The following TAF1 variants were observed in gnomAD, a reference collection of about 807,000 sequenced individuals.
The protein encoded by TAF1 is transcription initiation factor TFIID subunit 1.
Under a neutral mutation model 138.5 loss-of-function variants are expected in TAF1, and 2 were observed. That is an observed-to-expected ratio of 0.01 (90% CI 0.01 to 0.05). The LOEUF (loss-of-function observed/expected upper bound fraction) is 0.05. TAF1 is among the 10% of genes least tolerant of loss of function. The pLI is 1.00. For synonymous variants in TAF1, 437 were observed against 503.2 expected (o/e 0.87, Z 1.76); for missense variants, 709 against 1,478.0 (o/e 0.48, Z 8.53).
At chrX:71,498,471 G>A (rs1038533146) in intron 13 of TAF1, among the ~76,000 whole-genome samples, 2 of 111,521 alleles carry the variant, frequency 1.8e-5, no homozygotes, top group Non-Finnish European at 3.8e-5. Context: ...GGTGTTGCAG[G>A]GACTGCTGCA....
intron 35 of TAF1, chrX:71,459,303 G>A: frequency 9.0e-7 from 1 of 1,114,795 alleles, no homozygotes; most frequent in South Asian, 1.9e-5. Context: ...TATATGATAG[G>A]AGCCCCATCA....
chrX:71,419,213 A>G (rs2036197657), intron 28 of TAF1, among the ~76,000 whole-genome samples: 1 of 111,365 alleles, frequency 9.0e-6, no homozygotes, highest in African/African-American at 3.3e-5. Context: ...CTATTTAGGC[A>G]TTCTTTTTCT....
chrX:71,481,731 G>A (rs1391202838), intron 13 of TAF1, among the ~76,000 whole-genome samples: 4 of 110,814 alleles, frequency 3.6e-5, no homozygotes. Flanking sequence ...CTAATTTTTT[G>A]TATTTTTAGT....
intron 13 of TAF1, among the ~76,000 whole-genome samples, chrX:71,475,571 C>T (rs772540531): frequency 2.2e-5 from 2 of 90,192 alleles, no homozygotes; most frequent in Non-Finnish European, 4.2e-5. Flanking sequence ...GGTGACAGAG[C>T]GAGACTCCGT....
At chrX:71,466,351 A>C (rs1226828137), downstream of TAF1, 1 of 109,993 alleles carries the variant, frequency 9.1e-6, no homozygotes, top group Non-Finnish European at 1.9e-5. Flanking sequence ...GGTTCAAGCG[A>C]TTTTCCTGCT....
intron 32 of TAF1, among the ~76,000 whole-genome samples, chrX:71,436,917 G>A (rs1253361402): frequency 4.5e-5 from 5 of 111,741 alleles, no homozygotes; most frequent in Non-Finnish European, 5.6e-5. Flanking sequence ...TTAATTTGGA[G>A]AAACTGTATA....
chrX:71,442,112 G>A (rs377473564), intron 32 of TAF1, among the ~76,000 whole-genome samples: 4 of 111,799 alleles, frequency 3.6e-5, no homozygotes, highest in Admixed American at 1.9e-4. Context: ...ATTGTGAATA[G>A]TGCCGCAATA....
chrX:71,434,088 G>A (rs1181559404), intron 32 of TAF1, among the ~76,000 whole-genome samples: 1 of 111,876 alleles, frequency 8.9e-6, no homozygotes, highest in African/African-American at 3.2e-5. Flanking sequence ...CAAAGTCCAG[G>A]CTGGGTGCAG....
At chrX:71,393,264 GTA>G (rs61620248) in intron 20 of TAF1, 35 bp from the exon 21 acceptor site, 36 of 1,085,975 alleles carry the variant, frequency 3.3e-5, no homozygotes, top group African/African-American at 7.6e-5. Flanking sequence ...GTGTGTGTGT[GTA>G]TATTTATATT....
At chrX:71,502,740 C>T (rs2039533395) in intron 13 of TAF1, among the ~76,000 whole-genome samples, 1 of 110,857 alleles carries the variant, frequency 9.0e-6, no homozygotes. Flanking sequence ...GAGTTCAAGA[C>T]CAGCCTGGCC....
chrX:71,526,619 GATT>G (rs2147647960), intron 13 of TAF1, among the ~76,000 whole-genome samples: 1 of 111,938 alleles, frequency 8.9e-6, no homozygotes, highest in East Asian at 2.8e-4. Flanking sequence ...TATTGTCTAA[GATT>G]ATATCAATGC....
intron 14 of TAF1, among the ~76,000 whole-genome samples, chrX:71,385,474 CT>C (rs1208018951): frequency 9.1e-6 from 1 of 109,859 alleles, no homozygotes; most frequent in South Asian, 3.9e-4. Context: ...TAGTGAAATG[CT>C]TTTTTTTTCC....
chrX:71,394,264 C>T lies in TAF1; in HGVS notation c.3406+19C>T. 8.5e-7 allele frequency: 1 copy of T among 1,175,630 alleles called. No homozygotes were observed. The highest frequency in any genetic ancestry group is 1.1e-6 in the Non-Finnish European group (1 of 878,757). Reference sequence around the variant, plus strand: ...CTACTGGGTGAGGATCTTGGCTTCACAGACAGATAAAAAAGAGAAGGGTTA... The same window carrying T: ...CTACTGGGTGAGGATCTTGGCTTCATAGACAGATAAAAAAGAGAAGGGTTA... On this transcript the variant is annotated intron_variant, in intron 22 of 37. Transcript: ENST00000423759.
At chrX:71,388,102 A>G (rs962628812) in intron 15 of TAF1, 135 bp from the exon 16 acceptor site, 6 of 949,525 alleles carry the variant, frequency 6.3e-6, no homozygotes. Context: ...TCCGTCTCAG[A>G]AAAAGTAGGC....
intron 13 of TAF1, among the ~76,000 whole-genome samples, chrX:71,483,142 T>C (rs758640145): frequency 4.1e-5 from 4 of 98,758 alleles, no homozygotes; most frequent in African/African-American, 1.5e-4. Context: ...GCTTTTTTTT[T>C]TTTCTTTTCT....
chrX:71,369,605 C>CTTTTTT (rs762612709), intron 3 of TAF1, among the ~76,000 whole-genome samples: 1 of 92,203 alleles, frequency 1.1e-5, no homozygotes, highest in Non-Finnish European at 2.2e-5. Flanking sequence ...CAGTGTGTTT[C>CTTTTTT]TTTTTTTTTT....
chrX:71,495,557 G>A (rs1017844271), intron 13 of TAF1, among the ~76,000 whole-genome samples: 4 of 112,058 alleles, frequency 3.6e-5, no homozygotes, highest in African/African-American at 6.5e-5. Context: ...CCCCTAAGAA[G>A]GTGCAGAGTC....
intron 13 of TAF1, among the ~76,000 whole-genome samples, chrX:71,478,721 T>A (rs773551083): frequency 1.8e-5 from 2 of 111,405 alleles, no homozygotes; most frequent in African/African-American, 6.5e-5. Context: ...TGAAAAAAAA[T>A]ATGTAAGACA....
chrX:71,456,649 C>CTTTTTTTTTTTTTTTTTTTTTT (rs776321706), intron 34 of TAF1, among the ~76,000 whole-genome samples: 1 of 26,828 alleles, frequency 3.7e-5, no homozygotes, highest in African/African-American at 1.6e-4. Context: ...AATGTATTTT[C>CTTTTTTTTTTTTTTTTTTTTTT]TTTTTTTTTT....
Sources: allele counts gnomAD v4.1 joint callset (sites outside exome capture counted in the v4.1 genomes callset), GRCh38; gene constraint gnomAD v4.1.1; transcripts MANE v1.5; gene names NCBI Gene and HGNC (gene_info 2026-07-23, HGNC 2026-07-21).